The following RXFP1 variants were observed in gnomAD, a reference collection of about 807,000 sequenced individuals.
RXFP1 encodes relaxin receptor 1.
RXFP1 carries 73 observed loss-of-function variants against 89.8 expected under a neutral mutation model. That is an observed-to-expected ratio of 0.81 (90% confidence interval 0.67 to 0.99). The LOEUF is 0.99. RXFP1 is among the 50% of genes least tolerant of loss of function. The pLI is 0.00. For missense variants in RXFP1, 793 were observed against 895.5 expected, an observed-to-expected ratio of 0.89 and a Z score of 1.46; for synonymous variants, 277 against 305.5, an observed-to-expected ratio of 0.91 and a Z score of 0.97.
intron 16 of RXFP1, among the ~76,000 whole-genome samples, chr4:158,647,488 A>G (rs901438977): frequency 6.6e-6 from 1 of 152,340 alleles, no homozygotes; most frequent in East Asian, 1.9e-4. Flanking sequence ...GGCAACACAC[A>G]TCTTTGGCTT....
At chr4:158,636,135 A>G (rs1769107841) in intron 12 of RXFP1, among the ~76,000 whole-genome samples, 1 of 152,156 alleles carries the variant, frequency 6.6e-6, no homozygotes, top group Non-Finnish European at 1.5e-5. Context: ...AGGTGCTTGT[A>G]GTCCCAGTGA....
intron 1 of RXFP1, among the ~76,000 whole-genome samples, chr4:158,546,491 A>G (rs556174603): frequency 6.6e-6 from 1 of 152,264 alleles, no homozygotes; most frequent in African/African-American, 2.4e-5. Flanking sequence ...CACTATGTTG[A>G]ATAGGAATGG....
chr4:158,633,420 T>C lies in RXFP1; in HGVS notation c.915T>C (p.Asn305=), dbSNP rs1768499675. 1 of 1,589,886 alleles carries C rather than the reference T, an allele frequency of 6.3e-7. No homozygotes were observed. The highest frequency in any genetic ancestry group is 8.6e-7 in the Non-Finnish European group (1 of 1,159,542). The part of the protein sequence containing the change: ...QKLDELDLGS[N]KIENLPPLIF... Reference sequence around the variant, plus strand: ...ATTTCTCCAGGGATTTAGGAAGTAATAAGATTGAAAATCTTCCACCGCTTA... The same window carrying C: ...ATTTCTCCAGGGATTTAGGAAGTAACAAGATTGAAAATCTTCCACCGCTTA... The change falls in exon 12 of 18, where the codon AAT becomes AAC. Residue 305 remains asparagine, a synonymous_variant. Transcript: ENST00000307765.
At chr4:158,543,875 T>C in intron 1 of RXFP1, 1 of 985,352 alleles carries the variant, frequency 1.0e-6, no homozygotes, top group Non-Finnish European at 1.2e-6. Context: ...AATTTGCCCA[T>C]CAATTTATTG....
At chr4:158,632,324 C>T (rs1211145862) in intron 11 of RXFP1, among the ~76,000 whole-genome samples, 1 of 152,214 alleles carries the variant, frequency 6.6e-6, no homozygotes, top group Non-Finnish European at 1.5e-5. Flanking sequence ...TCCTACCCTT[C>T]GAGGTCAAAA....
chr4:158,612,508 A>G (rs576266174), intron 8 of RXFP1, 146 bp downstream of exon 8: 8 of 587,590 alleles, frequency 1.4e-5, no homozygotes, highest in African/African-American at 3.7e-5. Flanking sequence ...ATCATATTCT[A>G]TAAGGCTATT....
intron 1 of RXFP1, among the ~76,000 whole-genome samples, chr4:158,572,119 C>G (rs1460911486): frequency 6.6e-6 from 1 of 152,216 alleles, no homozygotes; most frequent in Non-Finnish European, 1.5e-5. Flanking sequence ...CAATCGTGTT[C>G]TGCCCCAAAA....
rs56692438 is a variant in RXFP1 at position 158,623,502 on chromosome 4, C to CAAAAAAAAAAAAAAAAAAAAAAAAAAAA, written c.756-3294_756-3293insAAAAAAAAAAAAAAAAAAAAAAAAAAAA. Reference sequence around the variant, plus strand: ...GGGCAACAAGAGTGAAACTCCATCTCAAAAAAAAAAAAAAAAAAAAAAAAG... The same window carrying CAAAAAAAAAAAAAAAAAAAAAAAAAAAA: ...GGGCAACAAGAGTGAAACTCCATCTCAAAAAAAAAAAAAAAAAAAAAAAAAAAAAAAAAAAAAAAAAAAAAAAAAAAAG... On this transcript the variant is annotated intron_variant, in intron 9 of 17. Coordinates refer to ENST00000307765, the MANE Select transcript of RXFP1 (RefSeq NM_021634.4). Among the ~76,000 whole-genome samples the CAAAAAAAAAAAAAAAAAAAAAAAAAAAA allele has an allele frequency of 2.1e-4, 9 of 42,636 alleles. 1 individual carries two copies. Among genetic ancestry groups the CAAAAAAAAAAAAAAAAAAAAAAAAAAAA allele is most frequent in the Non-Finnish European group, 2.9e-4 (6 of 20,616 alleles). The allele number at this position is 42,636 out of a possible 152,430, so 28.0% of individuals were successfully genotyped here. A position where few individuals can be genotyped will look rare whatever the true frequency, so the allele number is the denominator to read the frequency against.
chr4:158,644,774 CCCTAATGTTTTAGT>C, intron 14 of RXFP1, 121 bp from the exon 15 acceptor site: 1 of 639,046 alleles, frequency 1.6e-6, no homozygotes, highest in Non-Finnish European at 2.7e-6. Flanking sequence ...GTTTCAGAAT[CCCTAATGTTTTAGT>C]CCTCTCAATT....
chr4:158,632,655 T>C (rs1443133753), intron 11 of RXFP1, among the ~76,000 whole-genome samples: 1 of 152,102 alleles, frequency 6.6e-6, no homozygotes, highest in African/African-American at 2.4e-5. Flanking sequence ...TGAGATGGCA[T>C]GCAAAGTATC....
rs1193792895 is a variant in RXFP1 at position 158,548,148 on chromosome 4, C to T, written c.50-24550C>T. On this transcript the variant is annotated intron_variant, in intron 1 of 17. Coordinates refer to ENST00000307765, the MANE Select transcript of RXFP1 (RefSeq NM_021634.4). ...TCTGGGTGCTCCTGTATTGGGTGCA[C>T]ATATATTTAGGATAGTTAGCTCTTA... Among the ~76,000 whole-genome samples, 20 of 152,228 alleles carry T rather than the reference C, an allele frequency of 1.3e-4. No individual in the cohort carries two copies. In the East Asian group the frequency reaches 2.3e-3, roughly 18 times the overall value.
At chr4:158,528,202 A>C (rs956189677) in intron 1 of RXFP1, among the ~76,000 whole-genome samples, 7 of 152,176 alleles carry the variant, frequency 4.6e-5, no homozygotes, top group African/African-American at 1.7e-4. Context: ...AGGGACTTTA[A>C]AAATGCTTAG....
At chr4:158,611,174 T>A (rs1039008243) in intron 6 of RXFP1, among the ~76,000 whole-genome samples, 1 of 152,104 alleles carries the variant, frequency 6.6e-6, no homozygotes, top group African/African-American at 2.4e-5. Flanking sequence ...CATTTTAGAG[T>A]TGGGGAAGCT....
chr4:158,625,754 T>C (rs536505676), intron 9 of RXFP1, among the ~76,000 whole-genome samples: 19 of 152,146 alleles, frequency 1.2e-4, no homozygotes, highest in Non-Finnish European at 2.1e-4. Context: ...CAGATTTTAA[T>C]AGCTGTATCA....
intron 1 of RXFP1, among the ~76,000 whole-genome samples, chr4:158,570,631 A>G (rs181556726): frequency 1.3e-5 from 2 of 152,108 alleles, no homozygotes; most frequent in Admixed American, 1.3e-4. Flanking sequence ...GAGCACTGCA[A>G]AGTTTCCTAA....
intron 2 of RXFP1, among the ~76,000 whole-genome samples, chr4:158,573,727 T>G (rs897569414): frequency 6.6e-6 from 1 of 152,112 alleles, no homozygotes; most frequent in African/African-American, 2.4e-5. Context: ...CGATAAGCAA[T>G]TATGTAAGCT....
At chr4:158,533,042 C>T (rs1744436299) in intron 1 of RXFP1, among the ~76,000 whole-genome samples, 1 of 152,222 alleles carries the variant, frequency 6.6e-6, no homozygotes, top group African/African-American at 2.4e-5. Flanking sequence ...TTCAGGAAAA[C>T]TGCTTCGAGG....
chr4:158,631,098 T>C (rs1017715015), intron 11 of RXFP1, among the ~76,000 whole-genome samples: 7 of 152,234 alleles, frequency 4.6e-5, no homozygotes, highest in Admixed American at 2.0e-4. Flanking sequence ...CAAATGTCAC[T>C]TGGGATCTGG....
chr4:158,551,000 A>G (rs965781727), intron 1 of RXFP1, among the ~76,000 whole-genome samples: 9 of 152,164 alleles, frequency 5.9e-5, no homozygotes, highest in Non-Finnish European at 1.3e-4. Flanking sequence ...AAAAGCAACT[A>G]CTGACCAACA....
Sources: allele counts gnomAD v4.1 joint callset (sites outside exome capture counted in the v4.1 genomes callset), GRCh38; gene constraint gnomAD v4.1.1; transcripts MANE v1.5; gene names NCBI Gene and HGNC (gene_info 2026-07-23, HGNC 2026-07-21).